The following TENM3 variants were observed in gnomAD, a reference collection of about 807,000 sequenced individuals.
TENM3 encodes teneurin transmembrane protein 3.
TENM3 carries 63 observed loss-of-function variants against 255.1 expected under a neutral mutation model. The ratio of observed to expected loss-of-function variants is 0.25; its 90% confidence interval spans 0.20 to 0.30. The LOEUF (loss-of-function observed/expected upper bound fraction) is 0.30. TENM3 is among the 10% of genes least tolerant of loss of function. The pLI, the probability that TENM3 is intolerant of heterozygous loss-of-function variation, is 1.00. For missense variants in TENM3, 2,929 were observed against 3,461.1 expected (o/e 0.85, Z 3.86); for synonymous variants, 1,306 against 1,322.3 (o/e 0.99, Z 0.27).
the TENM3 span, among the ~76,000 whole-genome samples, chr4:181,587,492 A>G: frequency 1.3e-5 from 2 of 152,138 alleles, no homozygotes; most frequent in Non-Finnish European, 1.5e-5. Flanking sequence ...TCATAGCACT[A>G]CCTTAGCGCC....
chr4:181,933,533 AC>A, the TENM3 span, among the ~76,000 whole-genome samples: 2 of 152,274 alleles, frequency 1.3e-5, no homozygotes, highest in East Asian at 3.9e-4. Context: ...ATATTCAGAG[AC>A]GTAACCAAAG....
the TENM3 span, among the ~76,000 whole-genome samples, chr4:181,896,367 T>G: frequency 1.3e-5 from 2 of 152,172 alleles, no homozygotes; most frequent in Non-Finnish European, 2.9e-5. Flanking sequence ...ATCATGATGA[T>G]CCCTTTTAAA....
At chr4:182,774,402 G>A (rs1764511835) in intron 23 of TENM3, among the ~76,000 whole-genome samples, 1 of 152,072 alleles carries the variant, frequency 6.6e-6, no homozygotes, top group African/African-American at 2.4e-5. Context: ...GAGCTTTTTT[G>A]TATAAAATAT....
At chr4:182,039,187 C>G in the TENM3 span, among the ~76,000 whole-genome samples, 5 of 152,168 alleles carry the variant, frequency 3.3e-5, no homozygotes, top group African/African-American at 1.2e-4. Flanking sequence ...CATGGTGGCT[C>G]AAACGCCTCA....
chr4:181,844,329 A>G, the TENM3 span, among the ~76,000 whole-genome samples: 1 of 152,112 alleles, frequency 6.6e-6, no homozygotes, highest in South Asian at 2.1e-4. Context: ...CCCCAGATGA[A>G]ATGACCTTTA....
the TENM3 span, among the ~76,000 whole-genome samples, chr4:181,614,253 T>C: frequency 6.6e-6 from 1 of 152,292 alleles, no homozygotes; most frequent in Middle Eastern, 3.4e-3. Context: ...TGACTATCAG[T>C]TTCTCCCACC....
the TENM3 span, among the ~76,000 whole-genome samples, chr4:182,046,111 G>GT: frequency 4.6e-5 from 7 of 152,082 alleles, no homozygotes; most frequent in Admixed American, 4.6e-4. Context: ...GTATTATACA[G>GT]TTTTTTAAAA....
chr4:181,597,760 G>C, the TENM3 span, among the ~76,000 whole-genome samples: 1 of 152,024 alleles, frequency 6.6e-6, no homozygotes, highest in African/African-American at 2.4e-5. Context: ...AGTCCAAAAT[G>C]TTTCTCAGTT....
At chr4:181,590,545 A>G in the TENM3 span, among the ~76,000 whole-genome samples, 2 of 152,330 alleles carry the variant, frequency 1.3e-5, no homozygotes, top group South Asian at 4.1e-4. Context: ...GCATACTGGG[A>G]GCCTTCCCAC....
At chr4:182,721,211 G>A (rs1417715651) in intron 13 of TENM3, among the ~76,000 whole-genome samples, 2 of 152,148 alleles carry the variant, frequency 1.3e-5, no homozygotes, top group Non-Finnish European at 2.9e-5. Context: ...CCTGCATTAA[G>A]GTAAGGGGTT....
At chr4:182,692,145 A>C (rs1336310732) in intron 12 of TENM3, among the ~76,000 whole-genome samples, 2 of 152,236 alleles carry the variant, frequency 1.3e-5, no homozygotes, top group African/African-American at 2.4e-5. Flanking sequence ...CTGAGAGTTG[A>C]GGTAGGTCAG....
chr4:181,729,715 C>T, the TENM3 span, among the ~76,000 whole-genome samples: 2 of 152,168 alleles, frequency 1.3e-5, no homozygotes, highest in African/African-American at 4.8e-5. Flanking sequence ...GAACCAAGTG[C>T]TTTGGTCTTG....
At chr4:182,685,057 A>G (rs1204925233) in intron 11 of TENM3, among the ~76,000 whole-genome samples, 1 of 152,182 alleles carries the variant, frequency 6.6e-6, no homozygotes, top group Non-Finnish European at 1.5e-5. Context: ...GCCCAGACTA[A>G]CAAATGTTTC....
the TENM3 span, among the ~76,000 whole-genome samples, chr4:181,463,330 C>A: frequency 3.2e-4 from 49 of 152,280 alleles, no homozygotes; most frequent in Non-Finnish European, 5.7e-4. Flanking sequence ...GGTCATGTGT[C>A]CTATTTTATC....
the TENM3 span, among the ~76,000 whole-genome samples, chr4:181,547,878 A>G: frequency 1.3e-5 from 2 of 152,034 alleles, no homozygotes; most frequent in African/African-American, 4.8e-5. Flanking sequence ...ACATATACAT[A>G]TACATGTGCC....
At chr4:182,408,686 G>A (rs914248859) in intron 3 of TENM3, among the ~76,000 whole-genome samples, 1 of 152,172 alleles carries the variant, frequency 6.6e-6, no homozygotes, top group Non-Finnish European at 1.5e-5. Context: ...TTAAAATAAA[G>A]AGTCATCCTT....
intron 3 of TENM3, among the ~76,000 whole-genome samples, chr4:182,421,316 G>T (rs868452732): frequency 2.6e-4 from 39 of 152,136 alleles, no homozygotes; most frequent in Middle Eastern, 3.2e-3. Context: ...GGCTTAGAGA[G>T]ATTAAGGATC....
At chr4:181,916,799 C>A in the TENM3 span, among the ~76,000 whole-genome samples, 1 of 152,080 alleles carries the variant, frequency 6.6e-6, no homozygotes, top group African/African-American at 2.4e-5. Flanking sequence ...ATCGTTTGAA[C>A]CTGGGAGGCA....
At chr4:182,071,316 A>C in the TENM3 span, among the ~76,000 whole-genome samples, 3 of 152,204 alleles carry the variant, frequency 2.0e-5, no homozygotes, top group Non-Finnish European at 4.4e-5. Flanking sequence ...TAATTATTCC[A>C]ATATCTGCTC....
Sources: allele counts gnomAD v4.1 joint callset (sites outside exome capture counted in the v4.1 genomes callset), GRCh38; gene constraint gnomAD v4.1.1; transcripts MANE v1.5; gene names NCBI Gene and HGNC (gene_info 2026-07-23, HGNC 2026-07-21).